Variants in KCNN4 observed in about 807,000 individuals in gnomAD.
The protein encoded by KCNN4 is potassium calcium-activated channel subfamily N member 4, also known as intermediate conductance calcium-activated potassium channel protein 4.
A neutral mutation model predicts 45.2 loss-of-function variants in KCNN4; 31 were observed. The observed-to-expected ratio is 0.69, with a 90% CI of 0.52 to 0.92. The LOEUF is 0.92. Ranked by LOEUF, KCNN4 falls within the 40% of genes least tolerant of loss-of-function variation. The pLI is 0.00. For synonymous variants in KCNN4, 231 were observed against 254.6 expected (o/e 0.91, Z 0.88); for missense variants, 463 against 574.0 (o/e 0.81, Z 1.98).
intron 2 of KCNN4, among the ~76,000 whole-genome samples, chr19:43,775,401 C>T (rs1484239550): frequency 1.3e-5 from 2 of 152,172 alleles, no homozygotes; most frequent in Non-Finnish European, 2.9e-5. Flanking sequence ...ACTGCTCTAT[C>T]CCGTTTACAT....
intron 1 of KCNN4, among the ~76,000 whole-genome samples, chr19:43,778,493 C>T (rs1445609849): frequency 6.6e-6 from 1 of 152,226 alleles, no homozygotes; most frequent in African/African-American, 2.4e-5. Flanking sequence ...CCCACCTCGG[C>T]CTCCCAAAGT....
chr19:43,775,717 T>C (rs1969782028), intron 2 of KCNN4, among the ~76,000 whole-genome samples: 1 of 151,252 alleles, frequency 6.6e-6, no homozygotes, highest in Non-Finnish European at 1.5e-5. Context: ...AATGGGACAA[T>C]AGGGGATGGG....
Position 43,772,254 on chromosome 19 carries a change from G to GTA in KCNN4, c.684-121_684-120dup. The GTA allele has an allele frequency of 4.6e-6, 5 of 1,087,102 alleles. No homozygotes were observed. The highest frequency in any genetic ancestry group is 6.5e-6 in the Non-Finnish European group (5 of 765,900). 67.3% of individuals were successfully genotyped at this position (1,087,102 alleles called of 1,614,324 possible). A position where few individuals can be genotyped will look rare whatever the true frequency, so the allele number is the denominator to read the frequency against. ...TCTGGTTCCCTCCCTTCCCCTCCCAGTATACACCCATAGTCCTAAGAATCA... is the reference window on the plus strand; with the variant it reads ...TCTGGTTCCCTCCCTTCCCCTCCCAGTATATACACCCATAGTCCTAAGAATCA... On this transcript the variant is annotated intron_variant, in intron 3 of 8. Transcript: ENST00000648319. This position sits in a 1 kb window ranked among gnomAD's most constrained non-coding sequence, Gnocchi z 4.4.
Position 43,769,481 on chromosome 19 carries a change from G to A in KCNN4, c.1010C>T (p.Ala337Val), listed in dbSNP as rs201532689. 2 of 1,614,230 alleles carry A rather than the reference G, an allele frequency of 1.2e-6. No individual in the cohort carries two copies. Among genetic ancestry groups the A allele is most frequent in the Non-Finnish European group, 1.7e-6 (2 of 1,180,038 alleles). The part of the protein sequence containing the change: ...KHTRRKESHA[A>V]RRHQRKLLAA... The stretch of plus-strand genomic sequence containing the variant: ...CAGCAGCTTGCGCTGATGCCTGCGG[G>A]CAGCATGAGACTCCTTCCTGCGAGT... Residue 337 changes from alanine (A) to valine (V), a missense_variant, in exon 6 of 9, where the codon GCC becomes GTC. Ala to Val is a moderately conservative substitution (Grantham distance 64). Coordinates refer to ENST00000648319, the MANE Select transcript of KCNN4 (RefSeq NM_002250.3). This position sits in a 1 kb window ranked among gnomAD's most constrained non-coding sequence, Gnocchi z 4.4.
rs1304459719 is a variant in KCNN4 at position 43,774,397 on chromosome 19, G to C, written c.478C>G (p.Leu160Val). The part of the protein sequence containing the change: ...ALLSLAMLLR[L>V]YLVPRAVLLR... Reference sequence around the variant, plus strand: ...AGCACGGCGCGGGGCACCAGGTAGAGACGCAGCAGCATGGCCAGGGACAGC... The same window carrying C: ...AGCACGGCGCGGGGCACCAGGTAGACACGCAGCAGCATGGCCAGGGACAGC... Residue 160 changes from leucine to valine, a missense_variant, in exon 3 of 9, where the codon CTC becomes GTC. By Grantham distance (32) the Leu-to-Val change is conservative. Coordinates refer to ENST00000648319, the MANE Select transcript of KCNN4 (RefSeq NM_002250.3). The surrounding 1 kb of genome is among the most constrained non-coding windows in gnomAD (Gnocchi z 5.6). 6.2e-7 allele frequency: 1 copy of C among 1,601,102 alleles called. No individual in the cohort carries two copies. The highest frequency in any genetic ancestry group is 8.5e-7 in the Non-Finnish European group (1 of 1,174,142).
intron 4 of KCNN4, 43 bp downstream of exon 4, chr19:43,771,957 C>G (rs994868622): frequency 1.3e-6 from 2 of 1,544,882 alleles, no homozygotes; most frequent in Non-Finnish European, 1.7e-6. Context: ...AGAGGATGAC[C>G]AGTTTGGGAT....
chr19:43,777,320 T>TGTGTGTGTGTGG (rs1247716395), intron 1 of KCNN4, among the ~76,000 whole-genome samples: 56 of 149,286 alleles, frequency 3.8e-4, no homozygotes, highest in African/African-American at 1.3e-3. Context: ...TGTGTGTGTG[T>TGTGTGTGTGTGG]GTGTGGGTGT....
chr19:43,768,521 G>A (rs1298132612), intron 7 of KCNN4, among the ~76,000 whole-genome samples: 1 of 152,214 alleles, frequency 6.6e-6, no homozygotes, highest in African/African-American at 2.4e-5. Flanking sequence ...CCCTCCACAA[G>A]AGCAGCAGAG....
chr19:43,774,097 G>T lies in KCNN4; in HGVS notation c.683+95C>A. The T allele has an allele frequency of 1.6e-6, 2 of 1,272,184 alleles. No individual in the cohort carries two copies. The highest frequency in any genetic ancestry group is 2.0e-4 in the Middle Eastern group (1 of 4,982). The allele number at this position is 1,272,184 out of a possible 1,614,324, so 78.8% of individuals were successfully genotyped here. A position where few individuals can be genotyped will look rare whatever the true frequency, so the allele number is the denominator to read the frequency against. ...AAAGTGTGAACTTTCTCCACTGCTT[G>T]GTCCTAGGGGGCCTCAACCTGCACC... is the stretch of plus-strand genomic sequence containing the variant. On this transcript the variant is annotated intron_variant, in intron 3 of 8. Transcript: ENST00000648319. The surrounding 1 kb of genome is among the most constrained non-coding windows in gnomAD (Gnocchi z 5.6).
chr19:43,771,428 G>A (rs772817431), intron 4 of KCNN4, among the ~76,000 whole-genome samples: 19 of 152,164 alleles, frequency 1.2e-4, no homozygotes, highest in East Asian at 1.9e-4. Flanking sequence ...GTGAGGCCCC[G>A]AGAGATCACG....
Position 43,769,565 on chromosome 19 carries a change from G to A in KCNN4, c.931-5C>T. On this transcript the variant is annotated splice_polypyrimidine_tract_variant and splice_region_variant and intron_variant, in intron 5 of 8. Coordinates refer to ENST00000648319, the MANE Select transcript of KCNN4 (RefSeq NM_002250.3). This position sits in a 1 kb window ranked among gnomAD's most constrained non-coding sequence, Gnocchi z 4.4. ...TCGGGCAGCGGACTCCTTCATCTGG[G>A]GGTGGGTGGCACAGTGTCCGTGGAG... 1 of 1,612,384 alleles carries A rather than the reference G, an allele frequency of 6.2e-7. No individual in the cohort carries two copies. The highest frequency in any genetic ancestry group is 8.5e-7 in the Non-Finnish European group (1 of 1,178,372).
Position 43,769,317 on chromosome 19 carries a change from TTGAG to T in KCNN4, c.1049+121_1049+124del, listed in dbSNP as rs758162344. ...GTCAGATCCAGGTGAGACCTGGATGTTGAGTGAGACCACACCTGGGTGTCCTGAC... is the reference window on the plus strand; with the variant it reads ...GTCAGATCCAGGTGAGACCTGGATGTTGAGACCACACCTGGGTGTCCTGAC... On this transcript the variant is annotated intron_variant, in intron 6 of 8. Transcript: ENST00000648319. This position sits in a 1 kb window ranked among gnomAD's most constrained non-coding sequence, Gnocchi z 4.4. The T allele has an allele frequency of 3.0e-5, 23 of 778,992 alleles. No individual in the cohort carries two copies. The highest frequency in any genetic ancestry group is 1.1e-4 in the Admixed American group (6 of 53,260). The allele number at this position is 778,992 out of a possible 1,614,324, so 48.3% of individuals were successfully genotyped here.
In KCNN4 at chr19:43,769,411, T is replaced by A; in HGVS notation, c.1049+31A>T. 6.6e-7 allele frequency: 1 copy of A among 1,523,584 alleles called. No individual in the cohort carries two copies. The highest frequency in any genetic ancestry group is 9.1e-7 in the Non-Finnish European group (1 of 1,098,558). The allele number at this position is 1,523,584 out of a possible 1,614,324, so 94.4% of individuals were successfully genotyped here. A position where few individuals can be genotyped will look rare whatever the true frequency, so the allele number is the denominator to read the frequency against. On this transcript the variant is annotated intron_variant, in intron 6 of 8. Coordinates refer to ENST00000648319, the MANE Select transcript of KCNN4 (RefSeq NM_002250.3). This position sits in a 1 kb window ranked among gnomAD's most constrained non-coding sequence, Gnocchi z 4.4. ...GAGGTGACTTGGACATGGGTGCACA[T>A]GGACACGTGTGCATACAAAGCGGCC... is the stretch of plus-strand genomic sequence containing the variant.
In KCNN4 at chr19:43,772,515, C is replaced by T. The variant is rs1055712217; in HGVS notation, c.684-380G>A. ...CCAGTCAGACCCTGACTGGTGGCTA[C>T]ATCCACCCAGAGGAAGGGGTATATT... On this transcript the variant is annotated intron_variant, in intron 3 of 8. Transcript: ENST00000648319. This position sits in a 1 kb window ranked among gnomAD's most constrained non-coding sequence, Gnocchi z 4.4. Among the ~76,000 whole-genome samples the T allele has an allele frequency of 1.3e-5, 2 of 152,200 alleles. No homozygotes were observed. Among genetic ancestry groups the T allele is most frequent in the African/African-American group, 4.8e-5 (2 of 41,450 alleles).
At chr19:43,771,915 T>C in intron 4 of KCNN4, 85 bp downstream of exon 4, 3 of 1,475,122 alleles carry the variant, frequency 2.0e-6, no homozygotes, top group South Asian at 1.4e-5. Context: ...AGAGCCTGTG[T>C]TGAACCCATT....
chr19:43,776,850 C>A (rs189920181), intron 1 of KCNN4: 207 of 529,064 alleles, frequency 3.9e-4, no homozygotes, highest in Middle Eastern at 3.1e-3. Context: ...GTAATCCCAA[C>A]ACTCTGGGAG....
At chr19:43,779,594 C>T (rs545416671) in intron 1 of KCNN4, among the ~76,000 whole-genome samples, 1 of 152,250 alleles carries the variant, frequency 6.6e-6, no homozygotes, top group East Asian at 1.9e-4. Context: ...AGTCTGTTCT[C>T]CCCTCAAGCC....
chr19:43,778,506 T>C (rs2146468154), intron 1 of KCNN4, among the ~76,000 whole-genome samples: 1 of 152,352 alleles, frequency 6.6e-6, no homozygotes, highest in South Asian at 2.1e-4. Flanking sequence ...CCCAAAGTGC[T>C]GGGATTACAG....
In KCNN4 at chr19:43,774,122, C is replaced by T; in HGVS notation, c.683+70G>A. 6.8e-7 allele frequency: 1 copy of T among 1,472,816 alleles called. No homozygotes were observed. The highest frequency in any genetic ancestry group is 9.2e-7 in the Non-Finnish European group (1 of 1,088,692). 91.2% of individuals were successfully genotyped at this position (1,472,816 alleles called of 1,614,324 possible). Reference sequence around the variant, plus strand: ...GGTCCTAGGGGGCCTCAACCTGCACCGCGGCACAGGACGGCCGCCGTGGCT... The same window carrying T: ...GGTCCTAGGGGGCCTCAACCTGCACTGCGGCACAGGACGGCCGCCGTGGCT... On this transcript the variant is annotated intron_variant, in intron 3 of 8. Coordinates refer to ENST00000648319, the MANE Select transcript of KCNN4 (RefSeq NM_002250.3). The surrounding 1 kb of genome is among the most constrained non-coding windows in gnomAD (Gnocchi z 5.6).
Sources: gnomAD v4.1 joint callset for allele counts (sites outside exome capture counted in the v4.1 genomes callset) on GRCh38, gnomAD v4.1.1 for gene constraint, Gnocchi (gnomAD v3.1) non-coding constraint, MANE v1.5 for transcripts, NCBI Gene and HGNC (gene_info 2026-07-23, HGNC 2026-07-21) for gene names.